The following PARP15 variants were observed in gnomAD, a reference collection of about 807,000 sequenced individuals.
The protein encoded by PARP15 is poly(ADP-ribose) polymerase family member 15.
PARP15 carries 50 observed loss-of-function variants against 62.1 expected under a neutral mutation model. The ratio of observed to expected loss-of-function variants is 0.81; its 90% CI spans 0.64 to 1.02. The LOEUF is 1.02. Among genes scored for constraint, PARP15 ranks in the 50% least tolerant of loss-of-function variants. PARP15 has a pLI of 0.00. For missense variants in PARP15, 820 were observed against 826.5 expected (o/e 0.99, Z 0.10); for synonymous variants, 309 against 293.1 (o/e 1.05, Z -0.55).
At position 122,617,113 on chromosome 3, in the gene PARP15, C is replaced by T. The variant is rs1936026804; in HGVS notation, c.949C>T (p.Gln317Ter). Residue 317 changes from glutamine (Q) to a stop codon, truncating the protein, a stop_gained, in exon 6 of 12, where the codon CAG (glutamine) becomes TAG (stop). Transcript: ENST00000464300. LOFTEE classifies it high-confidence loss of function. The stretch of plus-strand genomic sequence containing the variant: ...TGCTACTGGAGATATAGCCACTGAA[C>T]AGGTAGATGTTATTGTAAACTCAAC... Reference protein sequence around the residue: ...QVATGDIATEQVDVIVNSTAR... With the variant: ...QVATGDIATE 1.2e-6 allele frequency: 2 copies of T among 1,613,976 alleles called. No individual in the cohort carries two copies. The highest frequency in any genetic ancestry group is 1.7e-6 in the Non-Finnish European group (2 of 1,179,852).
intron 3 of PARP15, among the ~76,000 whole-genome samples, chr3:122,612,127 C>G (rs973179131): frequency 3.3e-5 from 5 of 151,982 alleles, no homozygotes; most frequent in Non-Finnish European, 7.4e-5. Context: ...GCGATCTTAC[C>G]TCACTGCAAC....
At chr3:122,578,288 T>C (rs966284899) in intron 1 of PARP15, among the ~76,000 whole-genome samples, 1 of 152,134 alleles carries the variant, frequency 6.6e-6, no homozygotes, top group Non-Finnish European at 1.5e-5. Flanking sequence ...TTTTAATATA[T>C]GACTTTTAGT....
chr3:122,608,436 G>A (rs949671872), intron 2 of PARP15, among the ~76,000 whole-genome samples: 14 of 151,866 alleles, frequency 9.2e-5, no homozygotes, highest in African/African-American at 1.9e-4. Flanking sequence ...GGCTGGTCTC[G>A]AACTCCTGAC....
chr3:122,615,747 T>A, intron 4 of PARP15, 32 bp from the exon 5 acceptor site: 1 of 1,608,096 alleles, frequency 6.2e-7, no homozygotes, highest in Non-Finnish European at 8.5e-7. Flanking sequence ...TTACACAATA[T>A]TGTTGTAGTC....
chr3:122,627,930 C>T (rs1936835798), intron 9 of PARP15, among the ~76,000 whole-genome samples: 1 of 152,196 alleles, frequency 6.6e-6, no homozygotes, highest in African/African-American at 2.4e-5. Flanking sequence ...CTTACACTGG[C>T]TTAAGCAAAA....
chr3:122,587,420 A>G (rs962475051), intron 1 of PARP15, among the ~76,000 whole-genome samples: 1 of 152,216 alleles, frequency 6.6e-6, no homozygotes, highest in Admixed American at 6.5e-5. Context: ...TCAACAACAA[A>G]TGAGTGTTCC....
Position 122,610,652 on chromosome 3 carries a change from C to A in PARP15, c.465C>A (p.Ser155Arg), listed in dbSNP as rs143268642. The A allele has an allele frequency of 2.2e-3, 3,344 of 1,551,126 alleles. 53 individuals carry two copies. The African/African-American group carries it at 0.034, about 16-fold the overall frequency. ...AAGTAGGTAACATATTCATGACAAG[C>A]GGCTGCAATCTGGACTGCAAAGCTG... ...EEKVGNIFMTSGCNLDCKAVL... is the reference protein window; with the variant it reads ...EEKVGNIFMTRGCNLDCKAVL... The change falls in exon 3 of 12, where the codon AGC becomes AGA. Residue 155 changes from serine to arginine, a missense_variant. This residue lies in a region of PARP15 where 731 missense variants were observed against 727.7 expected (regional missense o/e 1.00). Transcript: ENST00000464300.
rs374916311 is a variant in PARP15 at position 122,636,026 on chromosome 3, C to T, written c.1963C>T (p.Arg655Ter). 20 of 1,613,906 alleles carry T rather than the reference C, an allele frequency of 1.2e-5. No homozygotes were observed. Among genetic ancestry groups the T allele is most frequent in the African/African-American group, 6.7e-5 (5 of 74,914 alleles). The change falls in exon 12 of 12, where the codon CGA becomes TGA. Residue 655 changes from arginine to a stop codon, truncating the protein, a stop_gained. Coordinates refer to ENST00000464300, the MANE Select transcript of PARP15 (RefSeq NM_001113523.3). LOFTEE classifies it low-confidence loss of function (END_TRUNC). ...CTTTGACTCAGTGACAAACAATACACGATCTCCAAAGCTATTTGTGGTATT... is the reference window on the plus strand; with the variant it reads ...CTTTGACTCAGTGACAAACAATACATGATCTCCAAAGCTATTTGTGGTATT... ...DLFDSVTNNT[R>*]SPKLFVVFFD...
At position 122,583,470 on chromosome 3, in the gene PARP15, C is replaced by T. The variant is rs147872115; in HGVS notation, c.186+5617C>T. Among the ~76,000 whole-genome samples the T allele has an allele frequency of 2.3e-3, 346 of 152,108 alleles. 1 individual carries two copies. The highest frequency in any genetic ancestry group is 7.9e-3 in the African/African-American group (326 of 41,496). Reference sequence around the variant, plus strand: ...GTTTCAATTGATTTATTTTTCTCTTCATTATGCATTATATATTGCTACTTT... The same window carrying T: ...GTTTCAATTGATTTATTTTTCTCTTTATTATGCATTATATATTGCTACTTT... On this transcript the variant is annotated intron_variant, in intron 1 of 11. Coordinates refer to ENST00000464300, the MANE Select transcript of PARP15 (RefSeq NM_001113523.3).
chr3:122,591,474 A>C (rs902360894), intron 1 of PARP15, among the ~76,000 whole-genome samples: 1 of 152,164 alleles, frequency 6.6e-6, no homozygotes, highest in Non-Finnish European at 1.5e-5. Context: ...TTTCTTAAAA[A>C]TATTGGGGCC....
At chr3:122,612,055 C>CT (rs374908910) in intron 3 of PARP15, among the ~76,000 whole-genome samples, 5,608 of 147,504 alleles carry the variant, frequency 0.038, 367 homozygotes, top group African/African-American at 0.13. Context: ...TCTCTCTCTT[C>CT]TTTTTTTTTC....
At chr3:122,587,958 A>C (rs9876722) in intron 1 of PARP15, among the ~76,000 whole-genome samples, 1 of 151,870 alleles carries the variant, frequency 6.6e-6, no homozygotes, top group Non-Finnish European at 1.5e-5. Context: ...GGTGTTTTTT[A>C]AAAAAATTGT....
At chr3:122,631,913 A>G (rs1467597554) in intron 9 of PARP15, among the ~76,000 whole-genome samples, 173 bp from the exon 10 acceptor site, 1 of 152,218 alleles carries the variant, frequency 6.6e-6, no homozygotes, top group East Asian at 1.9e-4. Flanking sequence ...CAGACCATTC[A>G]CTTCATCTGG....
intron 2 of PARP15, among the ~76,000 whole-genome samples, chr3:122,608,400 G>A (rs1935324602): frequency 2.6e-5 from 4 of 151,980 alleles, no homozygotes; most frequent in South Asian, 4.2e-4. Flanking sequence ...ATTTTTAGTA[G>A]AGACCGGGTT....
chr3:122,582,309 C>G (rs892008124), intron 1 of PARP15, among the ~76,000 whole-genome samples: 3 of 152,008 alleles, frequency 2.0e-5, no homozygotes, highest in East Asian at 1.9e-4. Flanking sequence ...GTAGCTGGGA[C>G]CACAAGCATG....
rs776040061 is a variant in PARP15, at chr3:122,635,114, T to G, written c.1667T>G (p.Leu556Arg). Reference protein sequence around the residue: ...IKNDHKNNERLLFHGTDADSV... With the variant: ...IKNDHKNNERRLFHGTDADSV... ...AATGACCATAAGAATAATGAGAGACTCCTCTTCCATGGGACAGATGCAGAC... is the reference window on the plus strand; with the variant it reads ...AATGACCATAAGAATAATGAGAGACGCCTCTTCCATGGGACAGATGCAGAC... The change falls in exon 11 of 12, where the codon CTC (leucine) becomes CGC (arginine). Residue 556 changes from leucine (L) to arginine (R), a missense_variant. Physicochemically the swap from Leu to Arg is moderately radical, Grantham distance 102. Coordinates refer to ENST00000464300, the MANE Select transcript of PARP15 (RefSeq NM_001113523.3). 1 of 1,614,062 alleles carries G rather than the reference T, an allele frequency of 6.2e-7. No homozygotes were observed. Among genetic ancestry groups the G allele is most frequent in the African/African-American group, 1.3e-5 (1 of 75,042 alleles).
intron 7 of PARP15, among the ~76,000 whole-genome samples, chr3:122,620,295 C>T (rs1472344572): frequency 1.3e-5 from 2 of 152,340 alleles, no homozygotes; most frequent in African/African-American, 4.8e-5. Flanking sequence ...CAAACTTGTT[C>T]TACTTCTTCC....
chr3:122,621,513 T>A lies in PARP15; in HGVS notation c.1133T>A (p.Val378Asp). 6.2e-7 allele frequency: 1 copy of A among 1,614,084 alleles called. No homozygotes were observed. Among genetic ancestry groups the A allele is most frequent in the South Asian group, 1.1e-5 (1 of 91,056 alleles). The part of the protein sequence containing the change: ...GCLKCKIIIH[V>D]PGGKDVRKTV... The stretch of plus-strand genomic sequence containing the variant: ...TTAAAGTGCAAAATAATAATTCATG[T>A]TCCTGGGGGAAAAGATGTCAGGAAA... Residue 378 changes from valine to aspartate, a missense_variant, in exon 8 of 12, where the codon GTT becomes GAT. Coordinates refer to ENST00000464300, the MANE Select transcript of PARP15 (RefSeq NM_001113523.3).
intron 2 of PARP15, among the ~76,000 whole-genome samples, chr3:122,607,349 C>A (rs1357761443): frequency 6.6e-6 from 1 of 152,156 alleles, no homozygotes; most frequent in Non-Finnish European, 1.5e-5. Context: ...AAAGTCAGTT[C>A]TGGCAGGGTT....
Sources: gnomAD v4.1 joint callset for allele counts (sites outside exome capture counted in the v4.1 genomes callset) on GRCh38, gnomAD v4.1.1 for gene constraint, gnomAD v4.1.1 regional missense constraint, MANE v1.5 for transcripts, NCBI Gene and HGNC (gene_info 2026-07-23, HGNC 2026-07-21) for gene names.